Variants in CFAP57 observed in about 807,000 individuals in gnomAD.
CFAP57 encodes the protein cilia- and flagella-associated protein 57.
Under a neutral mutation model 146.8 loss-of-function variants are expected in CFAP57, and 116 were observed. The ratio of observed to expected loss-of-function variants is 0.79; its 90% confidence interval spans 0.68 to 0.92. The LOEUF (loss-of-function observed/expected upper bound fraction) is 0.92. CFAP57 is among the 40% of genes least tolerant of loss of function. The pLI, the probability that CFAP57 is intolerant of heterozygous loss-of-function variation, is 0.00. For synonymous variants in CFAP57, 518 were observed against 552.8 expected (o/e 0.94, Z 0.88); for missense variants, 1,377 against 1,527.2 (o/e 0.90, Z 1.64).
At chr1:43,191,586 C>CAAA (rs10672819) in intron 6 of CFAP57, among the ~76,000 whole-genome samples, 6,294 of 64,746 alleles carry the variant, frequency 0.097, 372 homozygotes, top group East Asian at 0.28. Flanking sequence ...GACTCCGTCT[C>CAAA]AAAAAAAAAA....
chr1:43,172,644 G>A (rs1645017815), intron 1 of CFAP57, 91 bp from the exon 2 acceptor site: 1 of 1,016,378 alleles, frequency 9.8e-7, no homozygotes, highest in South Asian at 1.3e-5. Flanking sequence ...AAGGGGAGGA[G>A]CAAAGGGCGG....
chr1:43,202,302 GAGC>G (rs1196895952), intron 9 of CFAP57, among the ~76,000 whole-genome samples: 2 of 152,126 alleles, frequency 1.3e-5, no homozygotes, highest in Non-Finnish European at 2.9e-5. Flanking sequence ...ATAAAGATAA[GAGC>G]AGAAGTTAAT....
rs571898822 is a variant in CFAP57 at position 43,233,361 on chromosome 1, C to T, written c.3126+737C>T. On this transcript the variant is annotated intron_variant, in intron 19 of 22. Coordinates refer to ENST00000372492, the MANE Select transcript of CFAP57 (RefSeq NM_001378189.1). ...AAAATTAGCCAGGCATGGCGGCACA[C>T]GCCTGTAGTCCTAGCTAACTGGGAG... 7.2e-5 allele frequency among the ~76,000 whole-genome samples: 11 copies of T among 152,264 alleles called. No individual in the cohort carries two copies. The South Asian group carries it at 8.3e-4, about 11-fold the overall frequency.
Position 43,234,582 on chromosome 1 carries a change from A to C in CFAP57, c.3349A>C (p.Lys1117Gln). ...HLERNLATLK[K>Q]KVVKEGELHR... Reference sequence around the variant, plus strand: ...GGAGAGGAACCTGGCCACTCTCAAGAAGAAGGTGGTCAAGGAGGGCGAGCT... The same window carrying C: ...GGAGAGGAACCTGGCCACTCTCAAGCAGAAGGTGGTCAAGGAGGGCGAGCT... Residue 1117 changes from lysine (K) to glutamine (Q), a missense_variant, in exon 21 of 23, where the codon AAG becomes CAG. Coordinates refer to ENST00000372492, the MANE Select transcript of CFAP57 (RefSeq NM_001378189.1). The C allele has an allele frequency of 6.4e-7, 1 of 1,550,400 alleles. No homozygotes were observed. Among genetic ancestry groups the C allele is most frequent in the Non-Finnish European group, 8.7e-7 (1 of 1,146,934 alleles).
At position 43,222,867 on chromosome 1, in the gene CFAP57, C is replaced by A. The variant is rs977416160; in HGVS notation, c.2576C>A (p.Thr859Asn). ...VRQQLREFEE[T>N]KKQIEEDEDR... is the part of the protein sequence containing the mutation. Reference sequence around the variant, plus strand: ...CAGCAGCTGCGGGAGTTTGAAGAGACCAAGAAGCAGATTGAGGAAGATGAA... The same window carrying A: ...CAGCAGCTGCGGGAGTTTGAAGAGAACAAGAAGCAGATTGAGGAAGATGAA... Residue 859 changes from threonine to asparagine, a missense_variant, in exon 16 of 23, where the codon ACC becomes AAC. By Grantham distance (65) the Thr-to-Asn change is moderately conservative. Transcript: ENST00000372492. The A allele has an allele frequency of 6.5e-7, 1 of 1,549,698 alleles. No homozygotes were observed.
rs1041909666 is a variant in CFAP57 at position 43,209,782 on chromosome 1, G to A, written c.1795G>A (p.Ala599Thr). The A allele has an allele frequency of 2.1e-5, 34 of 1,613,976 alleles. 1 individual carries two copies. The highest frequency in any genetic ancestry group is 3.3e-5 in the Admixed American group (2 of 60,000). ...EISAFDVTYT[A>T]IVISHSGRMM... Reference sequence around the variant, plus strand: ...ATCGGCGTTTGATGTCACCTACACCGCCATTGTCATCTCGCATTCTGGACG... The same window carrying A: ...ATCGGCGTTTGATGTCACCTACACCACCATTGTCATCTCGCATTCTGGACG... The change falls in exon 11 of 23, where the codon GCC (alanine) becomes ACC (threonine). Residue 599 changes from alanine (A) to threonine (T), a missense_variant. Transcript: ENST00000372492.
chr1:43,232,067 A>ATGACC (rs771117220), intron 18 of CFAP57: 211 of 701,650 alleles, frequency 3.0e-4, no homozygotes, highest in Non-Finnish European at 4.6e-4. Flanking sequence ...CTGCTTTAGA[A>ATGACC]TGACCCCATT....
chr1:43,236,638 A>G (rs1465608672), intron 21 of CFAP57, among the ~76,000 whole-genome samples: 1 of 143,268 alleles, frequency 7.0e-6, no homozygotes, highest in Non-Finnish European at 1.5e-5. Context: ...AGCCGGGCGC[A>G]GTGGCTCACG....
chr1:43,175,847 A>AT (rs144095121), intron 2 of CFAP57, among the ~76,000 whole-genome samples: 1,556 of 133,098 alleles, frequency 0.012, 24 homozygotes, highest in African/African-American at 0.045. Flanking sequence ...TCTTATTTGG[A>AT]TTTTTTATAC....
Position 43,206,775 on chromosome 1 carries a change from A to AT in CFAP57, c.1599dup (p.Gly534TrpfsTer5), listed in dbSNP as rs759452793. ...AGCAAACTGATTTCTGGTGGCACAG[A>AT]TGGTGCTGTGTATGAATGGAATCTG... is the stretch of plus-strand genomic sequence containing the variant. On this transcript the variant is annotated frameshift_variant, in exon 10 of 23. Coordinates refer to ENST00000372492, the MANE Select transcript of CFAP57 (RefSeq NM_001378189.1). LOFTEE classifies it high-confidence loss of function. 3.1e-6 allele frequency: 5 copies of AT among 1,614,148 alleles called. No individual in the cohort carries two copies. In the South Asian group the frequency reaches 5.5e-5, roughly 18 times the overall value.
At position 43,254,237 on chromosome 1, in the gene CFAP57, C is replaced by T. The variant is rs941762041; in HGVS notation, c.*46C>T. The T allele has an allele frequency of 5.4e-6, 8 of 1,492,012 alleles. No individual in the cohort carries two copies. In the Admixed American group the frequency reaches 1.5e-4, roughly 27 times the overall value. 92.4% of individuals were successfully genotyped at this position (1,492,012 alleles called of 1,614,324 possible). A position where few individuals can be genotyped will look rare whatever the true frequency, so the allele number is the denominator to read the frequency against. On this transcript the variant is annotated 3_prime_UTR_variant, in exon 23 of 23. Transcript: ENST00000372492. Reference sequence around the variant, plus strand: ...CCAGCCACAGCCAGAAGAAACACAGCATGTCTGTCCCCAAGCCAGACTTGC... The same window carrying T: ...CCAGCCACAGCCAGAAGAAACACAGTATGTCTGTCCCCAAGCCAGACTTGC...
At chr1:43,182,790 C>T (rs988555204) in intron 3 of CFAP57, among the ~76,000 whole-genome samples, 13 of 152,184 alleles carry the variant, frequency 8.5e-5, no homozygotes. Flanking sequence ...GAATCCAGCA[C>T]TGGGAAAACA....
At chr1:43,206,517 T>C (rs1445910271) in intron 9 of CFAP57, 2 of 592,258 alleles carry the variant, frequency 3.4e-6, no homozygotes, top group Middle Eastern at 4.5e-4. Flanking sequence ...TGAGAGTGTT[T>C]CATCTTCAGT....
chr1:43,235,796 C>T (rs1173841756), intron 21 of CFAP57, among the ~76,000 whole-genome samples: 1 of 152,200 alleles, frequency 6.6e-6, no homozygotes, highest in Non-Finnish European at 1.5e-5. Flanking sequence ...GTGCAGTGAG[C>T]AGGGAAGGGA....
chr1:43,190,302 GC>G (rs1299959592), intron 6 of CFAP57, among the ~76,000 whole-genome samples: 3 of 118,024 alleles, frequency 2.5e-5, no homozygotes, highest in Non-Finnish European at 3.2e-5. Flanking sequence ...ACGGAGTCTC[GC>G]TCTGTCACCC....
chr1:43,173,878 A>G (rs1219725411), intron 2 of CFAP57, among the ~76,000 whole-genome samples: 1 of 152,226 alleles, frequency 6.6e-6, no homozygotes, highest in African/African-American at 2.4e-5. Context: ...CACTCCCACT[A>G]GAAGTGCATA....
intron 12 of CFAP57, 143 bp from the exon 13 acceptor site, chr1:43,219,239 G>T: frequency 1.1e-6 from 1 of 878,806 alleles, no homozygotes; most frequent in Non-Finnish European, 1.7e-6. Context: ...GTGCCTTCTG[G>T]GGAAAAGATG....
At position 43,238,962 on chromosome 1, in the gene CFAP57, C is replaced by T. The variant is rs796197038; in HGVS notation, c.3406-4265C>T. 2.0e-5 allele frequency among the ~76,000 whole-genome samples: 3 copies of T among 152,032 alleles called. No homozygotes were observed. The highest frequency in any genetic ancestry group is 2.9e-5 in the Non-Finnish European group (2 of 68,026). ...TTTGCAGTGATCCAATCAACCCTTG[C>T]AATTGTGGTTACTCTTATTATCGTT... On this transcript the variant is annotated intron_variant, in intron 21 of 22. Transcript: ENST00000372492. The surrounding 1 kb of genome is among the most constrained non-coding windows in gnomAD (Gnocchi z 4.3).
intron 6 of CFAP57, among the ~76,000 whole-genome samples, chr1:43,191,586 C>CA (rs10672819): frequency 0.041 from 2,664 of 64,824 alleles, 51 homozygotes; most frequent in Middle Eastern, 0.053. Context: ...GACTCCGTCT[C>CA]AAAAAAAAAA....
Sources: allele counts gnomAD v4.1 joint callset (sites outside exome capture counted in the v4.1 genomes callset), GRCh38; gene constraint gnomAD v4.1.1; non-coding constraint Gnocchi (gnomAD v3.1); transcripts MANE v1.5; gene names NCBI Gene and HGNC (gene_info 2026-07-23, HGNC 2026-07-21).